The following SSH2 variants were observed in gnomAD, a reference collection of about 807,000 sequenced individuals.
The protein encoded by SSH2 is slingshot protein phosphatase 2.
Under a neutral mutation model 135.2 loss-of-function variants are expected in SSH2, and 37 were observed. The ratio of observed to expected loss-of-function variants is 0.27; its 90% CI spans 0.21 to 0.36. SSH2 has a LOEUF of 0.36. Among genes scored for constraint, SSH2 ranks in the 10% least tolerant of loss-of-function variants. SSH2 has a pLI of 1.00. For synonymous variants in SSH2, 628 were observed against 646.2 expected (o/e 0.97, Z 0.43); for missense variants, 1,408 against 1,765.3 (o/e 0.80, Z 3.63).
chr17:29,650,975 G>A (rs1389881842), intron 12 of SSH2, among the ~76,000 whole-genome samples, 175 bp from the exon 13 acceptor site: 1 of 152,164 alleles, frequency 6.6e-6, no homozygotes, highest in Non-Finnish European at 1.5e-5. Flanking sequence ...AAATGATACA[G>A]CAGGGTTCCT....
In SSH2 at chr17:29,632,016, T is replaced by C. The variant is rs761423117; in HGVS notation, c.3178A>G (p.Ser1060Gly). The change falls in exon 16 of 16, where the codon AGT (serine) becomes GGT (glycine). Residue 1060 changes from serine (S) to glycine (G), a missense_variant. Around this residue, in one of 3 missense-constraint regions of SSH2, gnomAD observed 1,080 missense variants for 1,144.5 expected, o/e 0.94. Coordinates refer to ENST00000540801, the MANE Select transcript of SSH2 (RefSeq NM_001282129.2). ...AGCCCTTGCTCTCCGCTCTTCTCAC[T>C]GGTGGCTATTTCACTCCCTGGCCCA... The part of the protein sequence containing the change: ...HTGPGSEIAT[S>G]EKSGEQGLRK... The C allele has an allele frequency of 1.7e-5, 28 of 1,614,124 alleles. No individual in the cohort carries two copies. Among genetic ancestry groups the C allele is most frequent in the Non-Finnish European group, 2.3e-5 (27 of 1,180,052 alleles).
rs746689061 is a variant in SSH2 at position 29,636,082 on chromosome 17, C to G, written c.2148G>C (p.Leu716=). The G allele has an allele frequency of 1.2e-6, 2 of 1,614,258 alleles. No individual in the cohort carries two copies. The highest frequency in any genetic ancestry group is 2.2e-5 in the South Asian group (2 of 91,092). The stretch of plus-strand genomic sequence containing the variant: ...TGGAAGGGGCTACTTCTACCACTGA[C>G]AGTCGACAGCTCTCATTCCTTCCTC... ...LGGGRNESCR[L]SVVEVAPSKV... Residue 716 remains leucine (L), a synonymous_variant, in exon 15 of 16, where the codon CTG becomes CTC. Transcript: ENST00000540801.
At chr17:29,803,425 T>G (rs2042286292) in intron 2 of SSH2, among the ~76,000 whole-genome samples, 1 of 152,170 alleles carries the variant, frequency 6.6e-6, no homozygotes, top group Admixed American at 6.5e-5. Flanking sequence ...AAACATGATT[T>G]CTAATTTATC....
Position 29,667,175 on chromosome 17 carries a change from C to T in SSH2, c.858G>A (p.Arg286=), listed in dbSNP as rs745369298. 4.9e-5 allele frequency: 79 copies of T among 1,613,598 alleles called. No individual in the cohort carries two copies. Among genetic ancestry groups the T allele is most frequent in the Non-Finnish European group, 6.1e-5 (72 of 1,179,770 alleles). The stretch of plus-strand genomic sequence containing the variant: ...CCAAATCCTTCTGCATCATGATCTC[C>T]CTTAATTTGGTTTTAATTAGCCTTT... ...RTERLIKTKL[R]EIMMQKDLEN... is the part of the protein sequence containing the mutation. Residue 286 remains arginine, a synonymous_variant, in exon 10 of 16, where the codon AGG becomes AGA. Coordinates refer to ENST00000540801, the MANE Select transcript of SSH2 (RefSeq NM_001282129.2).
At chr17:29,727,188 TA>T (rs1203765958) in intron 3 of SSH2, among the ~76,000 whole-genome samples, 4 of 152,338 alleles carry the variant, frequency 2.6e-5, no homozygotes, top group African/African-American at 4.8e-5. Context: ...ATAATGCAGA[TA>T]AGTTCTGAAA....
intron 3 of SSH2, among the ~76,000 whole-genome samples, chr17:29,751,948 A>T (rs2040959277): frequency 6.6e-6 from 1 of 152,204 alleles, no homozygotes; most frequent in Non-Finnish European, 1.5e-5. Context: ...AGTGGAGCTT[A>T]TTCACAAGAG....
At chr17:29,641,732 A>G (rs963899586) in intron 14 of SSH2, 2 of 152,236 alleles carry the variant, frequency 1.3e-5, no homozygotes, top group Non-Finnish European at 2.9e-5. Flanking sequence ...TGACAGATGC[A>G]TAAGTCGTCC....
intron 5 of SSH2, among the ~76,000 whole-genome samples, chr17:29,690,270 T>C (rs2038409146): frequency 6.6e-6 from 1 of 151,810 alleles, no homozygotes; most frequent in Non-Finnish European, 1.5e-5. Context: ...CCAGGCGTGG[T>C]GGCGCATGCC....
intron 3 of SSH2, chr17:29,777,843 G>T (rs1184318047): frequency 2.7e-5 from 4 of 149,434 alleles, no homozygotes; most frequent in African/African-American, 9.9e-5. Flanking sequence ...TTGAGATAGA[G>T]GTCACTGTTG....
At chr17:29,703,492 C>T (rs909112524) in intron 3 of SSH2, among the ~76,000 whole-genome samples, 2 of 152,198 alleles carry the variant, frequency 1.3e-5, no homozygotes, top group African/African-American at 4.8e-5. Context: ...AATGATCCGC[C>T]CACCTCGGCC....
chr17:29,821,736 C>G (rs988521513), intron 2 of SSH2, among the ~76,000 whole-genome samples: 1 of 151,660 alleles, frequency 6.6e-6, no homozygotes, highest in Non-Finnish European at 1.5e-5. Context: ...CCTCTGCCCC[C>G]GGGTTCAAGT....
intron 3 of SSH2, among the ~76,000 whole-genome samples, chr17:29,730,245 C>T (rs1003844360): frequency 1.3e-5 from 2 of 150,684 alleles, no homozygotes; most frequent in East Asian, 1.9e-4. Context: ...CTGCTTGAAC[C>T]CAGGAGGTTG....
chr17:29,655,252 C>G (rs902937738), intron 12 of SSH2, among the ~76,000 whole-genome samples: 4 of 151,904 alleles, frequency 2.6e-5, no homozygotes, highest in Admixed American at 2.0e-4. Context: ...TACAGGCGCC[C>G]GCCACCATGC....
intron 9 of SSH2, among the ~76,000 whole-genome samples, 188 bp downstream of exon 9, chr17:29,671,747 C>T (rs1190548421): frequency 2.6e-5 from 4 of 152,186 alleles, no homozygotes. Context: ...GGTGAAGCTT[C>T]TCAGGCCTTT....
chr17:29,659,974 G>GTGTGCGCCAC, intron 11 of SSH2, among the ~76,000 whole-genome samples: 1 of 151,878 alleles, frequency 6.6e-6, no homozygotes, highest in East Asian at 1.9e-4. Context: ...GGGATTACAG[G>GTGTGCGCCAC]CACGCACCAT....
chr17:29,650,052 A>G lies in SSH2; in HGVS notation c.1226+602T>C, dbSNP rs570687760. ...TTATGGTTCTCTCTAGTAAAGGAATAAATAGGATTGGCAAGGAAATCCCCA... is the reference window on the plus strand; with the variant it reads ...TTATGGTTCTCTCTAGTAAAGGAATGAATAGGATTGGCAAGGAAATCCCCA... On this transcript the variant is annotated intron_variant, in intron 13 of 15. Coordinates refer to ENST00000540801, the MANE Select transcript of SSH2 (RefSeq NM_001282129.2). Among the ~76,000 whole-genome samples the G allele has an allele frequency of 5.1e-4, 78 of 152,350 alleles. 1 individual carries two copies. In the South Asian group the frequency reaches 6.2e-3, roughly 12 times the overall value.
At chr17:29,719,688 T>C (rs929280949) in intron 3 of SSH2, among the ~76,000 whole-genome samples, 2 of 152,184 alleles carry the variant, frequency 1.3e-5, no homozygotes, top group African/African-American at 4.8e-5. Flanking sequence ...GTTTTGAGAG[T>C]AACTTGCTTA....
intron 11 of SSH2, among the ~76,000 whole-genome samples, chr17:29,665,080 T>A (rs542249686): frequency 6.6e-6 from 1 of 152,176 alleles, no homozygotes; most frequent in Non-Finnish European, 1.5e-5. Flanking sequence ...TAAAAATTAG[T>A]CTCAGGGAAA....
chr17:29,696,245 T>A (rs2038734281), intron 4 of SSH2, among the ~76,000 whole-genome samples: 1 of 146,610 alleles, frequency 6.8e-6, no homozygotes, highest in South Asian at 2.1e-4. Context: ...AGAGTGAGAC[T>A]CCGTCTCAAA....
Sources: allele counts gnomAD v4.1 joint callset (sites outside exome capture counted in the v4.1 genomes callset), GRCh38; gene constraint gnomAD v4.1.1; regional missense constraint gnomAD v4.1.1; transcripts MANE v1.5; gene names NCBI Gene and HGNC (gene_info 2026-07-23, HGNC 2026-07-21).